CYP46A1: variants seen among roughly 807,000 people sequenced by gnomAD.
CYP46A1 encodes the protein cytochrome P450 family 46 subfamily A member 1.
A neutral mutation model predicts 63.3 loss-of-function variants in CYP46A1; 20 were observed. The ratio of observed to expected loss-of-function variants is 0.32; its 90% CI spans 0.22 to 0.46. The LOEUF is 0.46. Ranked by LOEUF, CYP46A1 falls within the 20% of genes least tolerant of loss-of-function variation. CYP46A1 has a pLI of 1.00. For missense variants in CYP46A1, 445 were observed against 670.8 expected, an observed-to-expected ratio of 0.66 and a Z score of 3.72; for synonymous variants, 268 against 273.6, an observed-to-expected ratio of 0.98 and a Z score of 0.20.
intron 3 of CYP46A1, among the ~76,000 whole-genome samples, chr14:99,692,972 T>A (rs936674451): frequency 1.3e-5 from 2 of 152,356 alleles, no homozygotes; most frequent in Non-Finnish European, 2.9e-5. Context: ...TGCCACCAAC[T>A]GGCTGTGGGA....
intron 3 of CYP46A1, among the ~76,000 whole-genome samples, chr14:99,692,656 C>T (rs1172351376): frequency 6.6e-6 from 1 of 152,132 alleles, no homozygotes; most frequent in East Asian, 1.9e-4. Flanking sequence ...ATGGTGAAAC[C>T]CTATCTCTAC....
At position 99,725,247 on chromosome 14, in the gene CYP46A1, C is replaced by A; in HGVS notation, c.1177-144C>A. ...TCTAGGGGGCCAGTGCAATGGACAC[C>A]AACCTAGATGAGGGGTGAAGACATG... On this transcript the variant is annotated intron_variant, in intron 12 of 14. Transcript: ENST00000261835. This position sits in a 1 kb window ranked among gnomAD's most constrained non-coding sequence, Gnocchi z 4.2. 1 of 650,806 alleles carries A rather than the reference C, an allele frequency of 1.5e-6. No homozygotes were observed. Among genetic ancestry groups the A allele is most frequent in the South Asian group, 1.8e-5 (1 of 54,272 alleles). 40.3% of individuals were successfully genotyped at this position (650,806 alleles called of 1,614,324 possible).
chr14:99,690,782 T>C (rs919105311), intron 1 of CYP46A1, among the ~76,000 whole-genome samples: 1 of 152,072 alleles, frequency 6.6e-6, no homozygotes, highest in Non-Finnish European at 1.5e-5. Context: ...TTGGGGAATA[T>C]CTGAGGGTGA....
At chr14:99,721,100 G>A (rs1461947877) in intron 10 of CYP46A1, 139 bp from the exon 11 acceptor site, 2 of 666,404 alleles carry the variant, frequency 3.0e-6, no homozygotes. Context: ...AAAAAATAAA[G>A]CTACAAGTAA....
rs1167896903 is a variant in CYP46A1, at chr14:99,722,823, G to A, written c.1176+757G>A. On this transcript the variant is annotated intron_variant, in intron 12 of 14. Transcript: ENST00000261835. This position sits in a 1 kb window ranked among gnomAD's most constrained non-coding sequence, Gnocchi z 4.6. ...TTCTCAGGTGACAGGCATTTGAGAG[G>A]TGTCCAGTTTGTCCCTATCTCGAGC... is the stretch of plus-strand genomic sequence containing the variant. The A allele has an allele frequency of 2.4e-6, 1 of 418,850 alleles. No homozygotes were observed. The highest frequency in any genetic ancestry group is 5.0e-6 in the Non-Finnish European group (1 of 200,790). The allele number at this position is 418,850 out of a possible 1,614,324, so 25.9% of individuals were successfully genotyped here.
rs2056854960 is a variant in CYP46A1 at position 99,722,310 on chromosome 14, G to A, written c.1176+244G>A. ...AGGGAGGTGCCCCATTTACAGCTGA[G>A]GACACTGAGGTTCAGAGAGGTTAGG... On this transcript the variant is annotated intron_variant, in intron 12 of 14. Coordinates refer to ENST00000261835, the MANE Select transcript of CYP46A1 (RefSeq NM_006668.2). The surrounding 1 kb of genome is among the most constrained non-coding windows in gnomAD (Gnocchi z 4.6). Among the ~76,000 whole-genome samples the A allele has an allele frequency of 6.6e-6, 1 of 152,118 alleles. No individual in the cohort carries two copies. Among genetic ancestry groups the A allele is most frequent in the South Asian group, 2.1e-4 (1 of 4,826 alleles).
chr14:99,718,747 C>A (rs1046565138), intron 10 of CYP46A1, among the ~76,000 whole-genome samples: 2 of 151,968 alleles, frequency 1.3e-5, no homozygotes, highest in Non-Finnish European at 2.9e-5. Flanking sequence ...TGGGGTCAGG[C>A]CTTCAATTAC....
At chr14:99,703,543 A>C (rs947514975) in intron 5 of CYP46A1, 1 of 977,898 alleles carries the variant, frequency 1.0e-6, no homozygotes, top group African/African-American at 1.8e-5. Flanking sequence ...TCTGGAAACC[A>C]CTGTGCTTTT....
intron 7 of CYP46A1, among the ~76,000 whole-genome samples, chr14:99,715,603 T>A (rs564078546): frequency 6.6e-6 from 1 of 152,194 alleles, no homozygotes; most frequent in South Asian, 2.1e-4. Flanking sequence ...TGCTAAGGAT[T>A]TGGTGCAGGA....
rs1244962110 is a variant in CYP46A1 at position 99,706,796 on chromosome 14, AC to A, written c.582+12del. On this transcript the variant is annotated intron_variant, in intron 6 of 14. Coordinates refer to ENST00000261835, the MANE Select transcript of CYP46A1 (RefSeq NM_006668.2). ...GACATCCTGGCCAAGGTGATGGGTGACAGTCGGGCATGGGGGCCAGGAGGGC... is the reference window on the plus strand; with the variant it reads ...GACATCCTGGCCAAGGTGATGGGTGAAGTCGGGCATGGGGGCCAGGAGGGC... 2 of 1,611,310 alleles carry A rather than the reference AC, an allele frequency of 1.2e-6. No homozygotes were observed. Among genetic ancestry groups the A allele is most frequent in the African/African-American group, 2.7e-5 (2 of 74,848 alleles).
At chr14:99,701,697 G>C (rs573190961) in intron 5 of CYP46A1, among the ~76,000 whole-genome samples, 11 of 152,292 alleles carry the variant, frequency 7.2e-5, no homozygotes, top group African/African-American at 2.4e-4. Flanking sequence ...TAAAGTGTAC[G>C]ATTCAATGGC....
chr14:99,684,675 G>T (rs1285829370), intron 1 of CYP46A1, 139 bp downstream of exon 1: 1 of 716,470 alleles, frequency 1.4e-6, no homozygotes, highest in Non-Finnish European at 2.4e-6. Context: ...CCCGAGAGGG[G>T]CGCTAACTAT....
chr14:99,722,860 G>A lies in CYP46A1; in HGVS notation c.1176+794G>A, dbSNP rs558433057. The A allele has an allele frequency of 2.9e-5, 13 of 447,190 alleles. No homozygotes were observed. The highest frequency in any genetic ancestry group is 3.5e-4 in the Middle Eastern group (1 of 2,894). 27.7% of individuals were successfully genotyped at this position (447,190 alleles called of 1,614,324 possible). ...TCCCTATCTCGAGCACCACAGCAACGATGCCATTTCTGTCCGCATGTCCAG... is the reference window on the plus strand; with the variant it reads ...TCCCTATCTCGAGCACCACAGCAACAATGCCATTTCTGTCCGCATGTCCAG... On this transcript the variant is annotated intron_variant, in intron 12 of 14. Coordinates refer to ENST00000261835, the MANE Select transcript of CYP46A1 (RefSeq NM_006668.2). The surrounding 1 kb of genome is among the most constrained non-coding windows in gnomAD (Gnocchi z 4.6).
At chr14:99,694,609 C>T (rs2056572191) in intron 3 of CYP46A1, among the ~76,000 whole-genome samples, 1 of 151,842 alleles carries the variant, frequency 6.6e-6, no homozygotes, top group Non-Finnish European at 1.5e-5. Flanking sequence ...AAGTGATTCT[C>T]CTGCCTCAGT....
At chr14:99,686,165 G>A (rs12885555) in intron 1 of CYP46A1, among the ~76,000 whole-genome samples, 144,890 of 152,188 alleles carry the variant, frequency 0.95, 69,391 homozygotes, top group East Asian at 1. Flanking sequence ...AATCTCCCGT[G>A]AGTTCCGTGG....
chr14:99,698,215 AGAGGGCAGGCCTCTGGGCT>A (rs2056601821), intron 3 of CYP46A1, among the ~76,000 whole-genome samples: 1 of 152,080 alleles, frequency 6.6e-6, no homozygotes, highest in Non-Finnish European at 1.5e-5. Flanking sequence ...GCAGTAGCCC[AGAGGGCAGGCCTCTGGGCT>A]CTGGGTCCTG....
At position 99,708,206 on chromosome 14, in the gene CYP46A1, T is replaced by C. The variant is rs184185267; in HGVS notation, c.693+528T>C. 9.9e-3 allele frequency: 2,316 copies of C among 234,246 alleles called. 21 individuals carry two copies. Among genetic ancestry groups the C allele is most frequent in the Non-Finnish European group, 0.015 (1,739 of 116,784 alleles). 14.5% of individuals were successfully genotyped at this position (234,246 alleles called of 1,614,324 possible). A position where few individuals can be genotyped will look rare whatever the true frequency, so the allele number is the denominator to read the frequency against. On this transcript the variant is annotated intron_variant, in intron 7 of 14. Coordinates refer to ENST00000261835, the MANE Select transcript of CYP46A1 (RefSeq NM_006668.2). ...CTGAGGAATGGTCTACCATGAGTGC[T>C]GCCACCAGCGCCTGCCACTGAGAGG...
At chr14:99,708,005 T>A (rs1440389315) in intron 7 of CYP46A1, 6 of 313,184 alleles carry the variant, frequency 1.9e-5, no homozygotes, top group South Asian at 1.0e-4. Flanking sequence ...GCACATCACC[T>A]CATTGTCATA....
chr14:99,712,725 A>G (rs2056745677), intron 7 of CYP46A1: 1 of 152,258 alleles, frequency 6.6e-6, no homozygotes, highest in South Asian at 2.1e-4. Context: ...TGCTACCTAA[A>G]GCAATCTAAA....
Sources: allele counts gnomAD v4.1 joint callset (sites outside exome capture counted in the v4.1 genomes callset), GRCh38; gene constraint gnomAD v4.1.1; non-coding constraint Gnocchi (gnomAD v3.1); transcripts MANE v1.5; gene names NCBI Gene and HGNC (gene_info 2026-07-23, HGNC 2026-07-21).